MTUS2: variants seen among roughly 807,000 people sequenced by gnomAD.
MTUS2 encodes microtubule-associated tumor suppressor candidate 2.
A neutral mutation model predicts 114.1 loss-of-function variants in MTUS2; 40 were observed. The observed-to-expected ratio is 0.35, with a 90% confidence interval of 0.27 to 0.46. The LOEUF (loss-of-function observed/expected upper bound fraction) is 0.46. Among genes scored for constraint, MTUS2 ranks in the 20% least tolerant of loss-of-function variants. The pLI is 1.00. For missense variants in MTUS2, 1,679 were observed against 1,705.4 expected, an observed-to-expected ratio of 0.98 and a Z score of 0.27; for synonymous variants, 688 against 672.0, an observed-to-expected ratio of 1.02 and a Z score of -0.37.
intron 2 of MTUS2, among the ~76,000 whole-genome samples, chr13:28,882,592 C>G (rs1234370016): frequency 6.6e-6 from 1 of 151,916 alleles, no homozygotes; most frequent in African/African-American, 2.4e-5. Flanking sequence ...AAAACATTAC[C>G]TGGGTGTGGT....
intron 2 of MTUS2, among the ~76,000 whole-genome samples, chr13:28,846,352 G>A (rs933557879): frequency 2.0e-5 from 3 of 152,168 alleles, no homozygotes; most frequent in African/African-American, 7.2e-5. Context: ...GAACACGAAA[G>A]AATTATATTG....
At chr13:29,126,331 C>A (rs1481032921) in intron 5 of MTUS2, among the ~76,000 whole-genome samples, 2 of 152,128 alleles carry the variant, frequency 1.3e-5, no homozygotes, top group Non-Finnish European at 2.9e-5. Context: ...GTTCTCTGTG[C>A]TAACCTACAG....
intron 8 of MTUS2, among the ~76,000 whole-genome samples, chr13:29,396,047 G>T (rs536831772): frequency 3.9e-5 from 6 of 152,186 alleles, no homozygotes; most frequent in Admixed American, 6.5e-5. Context: ...GTATTTTTAT[G>T]TACATGTGCT....
Position 29,291,151 on chromosome 13 carries a change from G to A in MTUS2, c.2806+9286G>A, listed in dbSNP as rs541351597. On this transcript the variant is annotated intron_variant, in intron 6 of 15. Transcript: ENST00000612955. Reference sequence around the variant, plus strand: ...TGTCCAGAGGAGGTTGCTTCTTAGAGACACTGATAGCAAATCACAGAGCCC... The same window carrying A: ...TGTCCAGAGGAGGTTGCTTCTTAGAAACACTGATAGCAAATCACAGAGCCC... 2.0e-5 allele frequency among the ~76,000 whole-genome samples: 3 copies of A among 152,266 alleles called. No individual in the cohort carries two copies. The South Asian group carries it at 6.2e-4, about 32-fold the overall frequency.
intron 8 of MTUS2, among the ~76,000 whole-genome samples, chr13:29,368,230 A>G (rs1399581952): frequency 6.6e-6 from 1 of 150,988 alleles, no homozygotes; most frequent in Non-Finnish European, 1.5e-5. Context: ...GAGCCACTGC[A>G]CCCAGCCCCA....
chr13:28,858,364 C>G (rs1876765625), intron 2 of MTUS2, among the ~76,000 whole-genome samples: 1 of 152,122 alleles, frequency 6.6e-6, no homozygotes, highest in South Asian at 2.1e-4. Context: ...CTGGAGAAAA[C>G]TATATTAATT....
chr13:28,998,116 G>T (rs9508218), intron 2 of MTUS2, among the ~76,000 whole-genome samples: 65,712 of 150,320 alleles, frequency 0.44, 14,955 homozygotes, highest in East Asian at 0.67. Context: ...CATTTGCTTT[G>T]CTGTAAAGGA....
intron 5 of MTUS2, among the ~76,000 whole-genome samples, chr13:29,235,310 C>T (rs531683621): frequency 1.3e-5 from 2 of 152,264 alleles, no homozygotes; most frequent in African/African-American, 4.8e-5. Context: ...TCAGGCTAAT[C>T]TCGATCTCCT....
chr13:29,211,979 A>G (rs1482295953), intron 5 of MTUS2, among the ~76,000 whole-genome samples: 1 of 151,234 alleles, frequency 6.6e-6, no homozygotes, highest in African/African-American at 2.4e-5. Flanking sequence ...ATTTCCCCTC[A>G]CTTTCTAATT....
At chr13:29,370,253 G>A (rs1011035053) in intron 8 of MTUS2, among the ~76,000 whole-genome samples, 1 of 152,110 alleles carries the variant, frequency 6.6e-6, no homozygotes, top group South Asian at 2.1e-4. Flanking sequence ...AAAAGTTGAT[G>A]TATTGGAAAC....
intron 5 of MTUS2, among the ~76,000 whole-genome samples, chr13:29,167,645 C>T (rs1393754254): frequency 2.0e-5 from 3 of 151,964 alleles, no homozygotes; most frequent in Non-Finnish European, 4.4e-5. Flanking sequence ...CAAAGGACTT[C>T]ATAAAGTAAT....
rs977509901 is a variant in MTUS2, at chr13:28,990,928, G to C, written c.-242-33529G>C. Among the ~76,000 whole-genome samples the C allele has an allele frequency of 2.0e-5, 3 of 151,652 alleles. No individual in the cohort carries two copies. The East Asian group carries it at 5.8e-4, about 29-fold the overall frequency. ...CCACTGGGAAGAACAAACAACTCCG[G>C]ATGCGCCACCTTTAAGAGCTGTAGC... On this transcript the variant is annotated intron_variant, in intron 2 of 15. Transcript: ENST00000612955.
At chr13:29,321,385 G>A (rs1048529399) in intron 6 of MTUS2, among the ~76,000 whole-genome samples, 13 of 152,278 alleles carry the variant, frequency 8.5e-5, no homozygotes, top group African/African-American at 2.6e-4. Flanking sequence ...AAAGCTTACC[G>A]TGTATTTAGA....
At chr13:29,344,050 T>C (rs1179630419) in intron 7 of MTUS2, among the ~76,000 whole-genome samples, 1 of 152,184 alleles carries the variant, frequency 6.6e-6, no homozygotes, top group African/African-American at 2.4e-5. Flanking sequence ...TGAAATTTAT[T>C]GAGACTTCTT....
chr13:29,032,167 A>G (rs1458071023), intron 3 of MTUS2, among the ~76,000 whole-genome samples: 1 of 152,152 alleles, frequency 6.6e-6, no homozygotes, highest in Non-Finnish European at 1.5e-5. Flanking sequence ...AAATGCACAG[A>G]CTAGACATCA....
chr13:28,894,372 G>A (rs1224515089), intron 2 of MTUS2, among the ~76,000 whole-genome samples: 172 of 142,024 alleles, frequency 1.2e-3, no homozygotes, highest in African/African-American at 3.9e-3. Flanking sequence ...GAGAGAGAGA[G>A]AACAGAGCTC....
At chr13:29,117,909 A>G (rs540880476) in intron 5 of MTUS2, among the ~76,000 whole-genome samples, 18 of 152,248 alleles carry the variant, frequency 1.2e-4, no homozygotes, top group Admixed American at 9.2e-4. Context: ...AATGAAGGAA[A>G]TGAGCCAGGG....
At chr13:29,455,178 G>A (rs1879012766) in intron 9 of MTUS2, among the ~76,000 whole-genome samples, 2 of 152,214 alleles carry the variant, frequency 1.3e-5, no homozygotes, top group African/African-American at 4.8e-5. Context: ...GCTACTAGTG[G>A]GGTGAGCACT....
chr13:29,431,781 T>C (rs1292313959), intron 8 of MTUS2, among the ~76,000 whole-genome samples: 1 of 152,092 alleles, frequency 6.6e-6, no homozygotes, highest in Non-Finnish European at 1.5e-5. Flanking sequence ...ATATGGTGCA[T>C]AGGGAGTGTG....
Sources: allele counts gnomAD v4.1 joint callset (sites outside exome capture counted in the v4.1 genomes callset), GRCh38; gene constraint gnomAD v4.1.1; transcripts MANE v1.5; gene names NCBI Gene and HGNC (gene_info 2026-07-23, HGNC 2026-07-21).